The following FBXL19 variants were observed in gnomAD, a reference collection of about 807,000 sequenced individuals.
FBXL19 encodes F-box/LRR-repeat protein 19.
FBXL19 carries 16 observed loss-of-function variants against 71.2 expected under a neutral mutation model. The ratio of observed to expected loss-of-function variants is 0.22; its 90% CI spans 0.15 to 0.34. FBXL19 has a LOEUF of 0.34. Ranked by LOEUF, FBXL19 falls within the 10% of genes least tolerant of loss-of-function variation. The pLI is 1.00. For synonymous variants in FBXL19, 447 were observed against 409.4 expected, an observed-to-expected ratio of 1.09 and a Z score of -1.11; for missense variants, 658 against 968.2, an observed-to-expected ratio of 0.68 and a Z score of 4.25.
chr16:30,931,274 C>T (rs145623212), intron 7 of FBXL19, among the ~76,000 whole-genome samples: 57 of 152,240 alleles, frequency 3.7e-4, no homozygotes, highest in Middle Eastern at 3.4e-3. Flanking sequence ...GCACTCTGTT[C>T]CCCTCATAGA....
At position 30,930,673 on chromosome 16, in the gene FBXL19, C is replaced by A; in HGVS notation, c.1301+89C>A. ...CGGTAGGTCTCTGGCCCTCTCTGGG[C>A]CTTGCTTTTATATTGGGGATACTTC... On this transcript the variant is annotated intron_variant, in intron 7 of 10. Transcript: ENST00000338343. This position sits in a 1 kb window ranked among gnomAD's most constrained non-coding sequence, Gnocchi z 8.5. The A allele has an allele frequency of 7.5e-7, 1 of 1,341,596 alleles. No homozygotes were observed. The highest frequency in any genetic ancestry group is 9.6e-7 in the Non-Finnish European group (1 of 1,039,154). 83.1% of individuals were successfully genotyped at this position (1,341,596 alleles called of 1,614,324 possible).
At chr16:30,940,393 C>T (rs1401700912) in intron 7 of FBXL19, among the ~76,000 whole-genome samples, 1 of 151,530 alleles carries the variant, frequency 6.6e-6, no homozygotes, top group Non-Finnish European at 1.5e-5. Context: ...GCACCCCAGC[C>T]TGGGTGACTA....
In FBXL19 at chr16:30,925,648, C is replaced by T. The variant is rs1447635653; in HGVS notation, c.-24-83C>T. 1.5e-6 allele frequency: 2 copies of T among 1,353,530 alleles called. No individual in the cohort carries two copies. The highest frequency in any genetic ancestry group is 1.9e-6 in the Non-Finnish European group (2 of 1,053,236). 83.8% of individuals were successfully genotyped at this position (1,353,530 alleles called of 1,614,324 possible). Reference sequence around the variant, plus strand: ...TGAGGAAGAGGGCAGGCTCTAGCTGCCTGTAGGTGGAGGGACCTGTCAGGG... The same window carrying T: ...TGAGGAAGAGGGCAGGCTCTAGCTGTCTGTAGGTGGAGGGACCTGTCAGGG... On this transcript the variant is annotated intron_variant, in intron 1 of 10. Coordinates refer to ENST00000338343, the MANE Select transcript of FBXL19 (RefSeq NM_001382779.1). This position sits in a 1 kb window ranked among gnomAD's most constrained non-coding sequence, Gnocchi z 5.0.
intron 7 of FBXL19, among the ~76,000 whole-genome samples, chr16:30,936,887 C>T (rs1257016301): frequency 1.4e-4 from 21 of 151,470 alleles, no homozygotes; most frequent in African/African-American, 4.6e-4. Flanking sequence ...GGACTGCAGG[C>T]GCGTGCCACC....
At chr16:30,943,367 A>ATT (rs34002102) in intron 9 of FBXL19, among the ~76,000 whole-genome samples, 306 of 67,506 alleles carry the variant, frequency 4.5e-3, no homozygotes, top group African/African-American at 5.1e-3. Flanking sequence ...TTTTTTTGTA[A>ATT]TTTTTTTTTT....
chr16:30,927,478 G>A, intron 3 of FBXL19, 27 bp downstream of exon 3: 1 of 1,577,948 alleles, frequency 6.3e-7, no homozygotes, highest in Admixed American at 1.8e-5. Context: ...CCCGGCGTCT[G>A]GGGTGGGGCA....
At chr16:30,943,666 A>G (rs1166628712) in intron 9 of FBXL19, among the ~76,000 whole-genome samples, 1 of 151,570 alleles carries the variant, frequency 6.6e-6, no homozygotes, top group Non-Finnish European at 1.5e-5. Context: ...TAGCCACCGC[A>G]CCCGGCCTGT....
At chr16:30,923,251 C>G (rs548444169), upstream of FBXL19, 3 of 453,594 alleles carry the variant, frequency 6.6e-6, no homozygotes, top group Admixed American at 4.7e-5. Context: ...AGTCATCGTT[C>G]CCTCTCCTTC....
Position 30,930,475 on chromosome 16 carries a change from G to C in FBXL19, c.1192G>C (p.Ala398Pro). The change falls in exon 7 of 11, where the codon GCT becomes CCT. Residue 398 changes from alanine to proline, a missense_variant. Physicochemically the swap from Ala to Pro is conservative, Grantham distance 27 (BLOSUM62 -1). Transcript: ENST00000338343. The surrounding 1 kb of genome is among the most constrained non-coding windows in gnomAD (Gnocchi z 8.5). ...SPEPDTLPLA[A>P]GSDHPLPRAA... Reference sequence around the variant, plus strand: ...TGAGCCCGACACACTCCCCTTGGCTGCTGGATCCGACCACCCCCTGCCCCG... The same window carrying C: ...TGAGCCCGACACACTCCCCTTGGCTCCTGGATCCGACCACCCCCTGCCCCG... 1 of 1,534,070 alleles carries C rather than the reference G, an allele frequency of 6.5e-7. No homozygotes were observed. Among genetic ancestry groups the C allele is most frequent in the African/African-American group, 1.4e-5 (1 of 72,714 alleles).
In FBXL19 at chr16:30,947,752, G is replaced by T; in HGVS notation, c.*522G>T. The T allele has an allele frequency of 2.6e-6, 1 of 383,250 alleles. No homozygotes were observed. The highest frequency in any genetic ancestry group is 5.2e-6 in the Non-Finnish European group (1 of 193,144). 23.7% of individuals were successfully genotyped at this position (383,250 alleles called of 1,614,324 possible). A position where few individuals can be genotyped will look rare whatever the true frequency, so the allele number is the denominator to read the frequency against. ...CAGGTGTCAGAGGTAGGGGAACCAG[G>T]GGCAAGCTGGGGCTGAGCTGGAGGT... On this transcript the variant is annotated 3_prime_UTR_variant, in exon 11 of 11. Transcript: ENST00000338343.
chr16:30,930,492 C>G lies in FBXL19; in HGVS notation c.1209C>G (p.Pro403=). ...CCTTGGCTGCTGGATCCGACCACCCCCTGCCCCGGGCCGCCTGGCTTCGCG... is the reference window on the plus strand; with the variant it reads ...CCTTGGCTGCTGGATCCGACCACCCGCTGCCCCGGGCCGCCTGGCTTCGCG... ...TLPLAAGSDH[P]LPRAAWLRVF... The change falls in exon 7 of 11, where the codon CCC becomes CCG. Residue 403 remains proline (P), a synonymous_variant. Transcript: ENST00000338343. The surrounding 1 kb of genome is among the most constrained non-coding windows in gnomAD (Gnocchi z 8.5). 15 of 1,532,194 alleles carry G rather than the reference C, an allele frequency of 9.8e-6. No individual in the cohort carries two copies. The highest frequency in any genetic ancestry group is 1.4e-5 in the African/African-American group (1 of 72,482). The allele number at this position is 1,532,194 out of a possible 1,614,324, so 94.9% of individuals were successfully genotyped here.
At position 30,923,819 on chromosome 16, in the gene FBXL19, C is replaced by A. The variant is rs1447352564; in HGVS notation, c.-665C>A. Among the ~76,000 whole-genome samples the A allele has an allele frequency of 7.5e-6, 1 of 133,554 alleles. No individual in the cohort carries two copies. The highest frequency in any genetic ancestry group is 1.6e-5 in the Non-Finnish European group (1 of 60,970). 87.6% of individuals were successfully genotyped at this position (133,554 alleles called of 152,430 possible). A position where few individuals can be genotyped will look rare whatever the true frequency, so the allele number is the denominator to read the frequency against. On this transcript the variant is annotated 5_prime_UTR_variant, in exon 1 of 11. Coordinates refer to ENST00000338343, the MANE Select transcript of FBXL19 (RefSeq NM_001382779.1). ...GGGGGAGGGGGAGAGGTCGGGGGTG[C>A]GCGCGGGCTGGGGGGGGCGGGGCCG... is the stretch of plus-strand genomic sequence containing the variant.
chr16:30,927,249 AAGGG>A, intron 2 of FBXL19, 55 bp from the exon 3 acceptor site: 1 of 1,490,194 alleles, frequency 6.7e-7, no homozygotes, highest in Non-Finnish European at 8.9e-7. Context: ...CCCTAGAAGG[AAGGG>A]TCTTTCCCCT....
In FBXL19 at chr16:30,925,696, T is replaced by C; in HGVS notation, c.-24-35T>C. Reference sequence around the variant, plus strand: ...GGGGTCTCCCAGGCCAGGGCCCCAGTGGGCCCATCTGACCCTGCCACCATC... The same window carrying C: ...GGGGTCTCCCAGGCCAGGGCCCCAGCGGGCCCATCTGACCCTGCCACCATC... On this transcript the variant is annotated intron_variant, in intron 1 of 10. Transcript: ENST00000338343. This position sits in a 1 kb window ranked among gnomAD's most constrained non-coding sequence, Gnocchi z 5.0. 2.7e-6 allele frequency: 4 copies of C among 1,472,598 alleles called. No individual in the cohort carries two copies. The highest frequency in any genetic ancestry group is 3.6e-6 in the Non-Finnish European group (4 of 1,119,764). 91.2% of individuals were successfully genotyped at this position (1,472,598 alleles called of 1,614,324 possible).
intron 7 of FBXL19, among the ~76,000 whole-genome samples, chr16:30,936,406 G>A (rs2055732946): frequency 6.6e-6 from 1 of 150,840 alleles, no homozygotes; most frequent in South Asian, 2.1e-4. Context: ...GTGGGACCTT[G>A]AATACATTTC....
intron 7 of FBXL19, among the ~76,000 whole-genome samples, chr16:30,935,813 G>T (rs2055726111): frequency 6.6e-6 from 1 of 152,120 alleles, no homozygotes; most frequent in Non-Finnish European, 1.5e-5. Context: ...ATTGCGGGGT[G>T]GCTGGAGTCC....
At chr16:30,932,301 A>G (rs985496275) in intron 7 of FBXL19, among the ~76,000 whole-genome samples, 13 of 151,860 alleles carry the variant, frequency 8.6e-5, no homozygotes, top group Admixed American at 2.0e-4. Context: ...TGAAGAGCAT[A>G]TAGTTAAGCT....
intron 9 of FBXL19, among the ~76,000 whole-genome samples, chr16:30,944,584 C>T (rs1018420424): frequency 2.6e-5 from 4 of 152,052 alleles, no homozygotes; most frequent in African/African-American, 9.7e-5. Context: ...TTTATTCATT[C>T]TTTCATTGAT....
Position 30,930,399 on chromosome 16 carries a change from C to T in FBXL19, c.1116C>T (p.Pro372=), listed in dbSNP as rs952755436. 1 of 1,530,024 alleles carries T rather than the reference C, an allele frequency of 6.5e-7. No homozygotes were observed. The highest frequency in any genetic ancestry group is 8.7e-7 in the Non-Finnish European group (1 of 1,143,666). 94.8% of individuals were successfully genotyped at this position (1,530,024 alleles called of 1,614,324 possible). ...LSWPLGPAPP[P]RPPQLERHVV... Reference sequence around the variant, plus strand: ...GGCCCCTGGGCCCAGCCCCACCACCCCGGCCTCCACAGCTGGAGCGGCACG... The same window carrying T: ...GGCCCCTGGGCCCAGCCCCACCACCTCGGCCTCCACAGCTGGAGCGGCACG... Residue 372 remains proline, a synonymous_variant, in exon 7 of 11, where the codon CCC becomes CCT. Coordinates refer to ENST00000338343, the MANE Select transcript of FBXL19 (RefSeq NM_001382779.1). This position sits in a 1 kb window ranked among gnomAD's most constrained non-coding sequence, Gnocchi z 8.5.
Sources: gnomAD v4.1 joint callset for allele counts (sites outside exome capture counted in the v4.1 genomes callset) on GRCh38, gnomAD v4.1.1 for gene constraint, Gnocchi (gnomAD v3.1) non-coding constraint, MANE v1.5 for transcripts, NCBI Gene and HGNC (gene_info 2026-07-23, HGNC 2026-07-21) for gene names.